The following MYO15A variants were observed in gnomAD, a reference collection of about 807,000 sequenced individuals.
The protein encoded by MYO15A is unconventional myosin-XV.
MYO15A carries 308 observed loss-of-function variants against 394.6 expected under a neutral mutation model. The observed-to-expected ratio is 0.78, with a 90% confidence interval of 0.71 to 0.86. The LOEUF is 0.86. Ranked by LOEUF, MYO15A falls within the 40% of genes least tolerant of loss-of-function variation. The pLI is 0.00. For missense variants in MYO15A, 4,606 were observed against 4,799.1 expected, an observed-to-expected ratio of 0.96 and a Z score of 1.19; for synonymous variants, 1,957 against 2,003.8, an observed-to-expected ratio of 0.98 and a Z score of 0.62.
chr17:18,148,243 G>C lies in MYO15A; in HGVS notation c.6691+33G>C, dbSNP rs1359724157. 6.2e-7 allele frequency: 1 copy of C among 1,612,308 alleles called. No individual in the cohort carries two copies. The highest frequency in any genetic ancestry group is 1.7e-5 in the Admixed American group (1 of 59,984). On this transcript the variant is annotated intron_variant, in intron 31 of 65. Transcript: ENST00000647165. The surrounding 1 kb of genome is among the most constrained non-coding windows in gnomAD (Gnocchi z 4.8). ...GCCTTCCCCCACCTCAGTGAGGGCA[G>C]TGGGAGTCAGCAGGGCCCAGTGAGC...
chr17:18,173,827 C>G lies in MYO15A; in HGVS notation c.10397C>G (p.Thr3466Ser). 2 of 1,613,862 alleles carry G rather than the reference C, an allele frequency of 1.2e-6. No homozygotes were observed. The highest frequency in any genetic ancestry group is 2.2e-5 in the South Asian group (2 of 91,088). Residue 3466 changes from threonine (T) to serine (S), a missense_variant, in exon 65 of 66, where the codon ACC (threonine) becomes AGC (serine). This residue lies in a region of MYO15A where 2,776 missense variants were observed against 3,109.3 expected (regional missense o/e 0.89). Transcript: ENST00000647165. ...FPLKEIQSTR[T>S]QRPTANSSYP... is the part of the protein sequence containing the mutation. Reference sequence around the variant, plus strand: ...CTGAAGGAGATCCAGTCGACGCGGACCCAGCGGCCCACGGCCAACTCCAGC... The same window carrying G: ...CTGAAGGAGATCCAGTCGACGCGGAGCCAGCGGCCCACGGCCAACTCCAGC...
chr17:18,143,677 T>A, intron 26 of MYO15A, 38 bp from the exon 27 acceptor site: 1 of 1,572,914 alleles, frequency 6.4e-7, no homozygotes, highest in Non-Finnish European at 8.6e-7. Flanking sequence ...GGTGGGGATG[T>A]GGCAGGCCTG....
chr17:18,153,872 C>A lies in MYO15A; in HGVS notation c.8064C>A (p.Pro2688=), dbSNP rs1555546494. The A allele has an allele frequency of 6.2e-7, 1 of 1,613,718 alleles. No individual in the cohort carries two copies. The highest frequency in any genetic ancestry group is 1.1e-5 in the South Asian group (1 of 91,084). ...ACTTCTACGGCTATCAGGACGCCCC[C>A]TGGAAGATCTTCCTGCGCAAAGAGG... ...NPNFYGYQDA[P]WKIFLRKEVF... is the part of the protein sequence containing the mutation. Residue 2688 remains proline, a synonymous_variant, in exon 43 of 66, where the codon CCC becomes CCA. Transcript: ENST00000647165. This position sits in a 1 kb window ranked among gnomAD's most constrained non-coding sequence, Gnocchi z 4.1.
intron 44 of MYO15A, 50 bp from the exon 45 acceptor site, chr17:18,154,630 C>T: frequency 6.3e-7 from 1 of 1,592,688 alleles, no homozygotes; most frequent in Non-Finnish European, 8.6e-7. Context: ...AGCCTGGGTC[C>T]CAGCTGGGGG....
intron 57 of MYO15A, 27 bp from the exon 58 acceptor site, chr17:18,162,558 C>G: frequency 6.2e-7 from 1 of 1,608,262 alleles, no homozygotes; most frequent in Non-Finnish European, 8.5e-7. Flanking sequence ...CCACCTTGGG[C>G]GAGGCCTGAA....
rs1250453332 is a variant in MYO15A, at chr17:18,140,598, T to C, written c.5293T>C (p.Tyr1765His). The change falls in exon 20 of 66, where the codon TAC becomes CAC. Residue 1765 changes from tyrosine (Y) to histidine (H), a missense_variant. Tyr to His is a moderately conservative substitution (Grantham distance 83). Transcript: ENST00000647165. ...LGKSSSVTRL[Y>H]KAHTVAAKFQ... ...CAAGAGCAGCTCCGTCACTCGGCTC[T>C]ACAAGGCGCACACTGTGGCCGCCAA... The C allele has an allele frequency of 6.2e-7, 1 of 1,613,766 alleles. No homozygotes were observed. Among genetic ancestry groups the C allele is most frequent in the South Asian group, 1.1e-5 (1 of 91,084 alleles).
chr17:18,148,093 ATGGGCCG>A lies in MYO15A; in HGVS notation c.6575_6581del (p.Met2192ArgfsTer59). The stretch of plus-strand genomic sequence containing the variant: ...GTGTCAGCACCGCCTCATGCAGGCC[ATGGGCCG>A]GGCCCAACAGCAGGGCTCGGGGGCT... On this transcript the variant is annotated frameshift_variant, in exon 31 of 66. Transcript: ENST00000647165. LOFTEE classifies it high-confidence loss of function. The surrounding 1 kb of genome is among the most constrained non-coding windows in gnomAD (Gnocchi z 4.8). 1 of 1,613,910 alleles carries A rather than the reference ATGGGCCG, an allele frequency of 6.2e-7. No individual in the cohort carries two copies. Among genetic ancestry groups the A allele is most frequent in the Non-Finnish European group, 8.5e-7 (1 of 1,180,034 alleles).
In MYO15A at chr17:18,118,734, C is replaced by T. The variant is rs866863951; in HGVS notation, c.-67C>T. 1 of 1,604,166 alleles carries T rather than the reference C, an allele frequency of 6.2e-7. No homozygotes were observed. Among genetic ancestry groups the T allele is most frequent in the Non-Finnish European group, 8.5e-7 (1 of 1,176,890 alleles). On this transcript the variant is annotated 5_prime_UTR_variant, in exon 2 of 66. Transcript: ENST00000647165. ...GCCGCGGGCAAGAGACAGAGCAGGT[C>T]CCTGTGTCTCCAAGTCCCTGAGCCC...
intron 2 of MYO15A, chr17:18,124,096 A>C: frequency 3.2e-6 from 1 of 310,250 alleles, no homozygotes; most frequent in Non-Finnish European, 6.4e-6. Context: ...TAGAGGCCCC[A>C]TGCACCAGGT....
chr17:18,143,919 A>T lies in MYO15A; in HGVS notation c.6096A>T (p.Arg2032=). The change falls in exon 28 of 66, where the codon CGA becomes CGT. Residue 2032 remains arginine (R), a synonymous_variant. Transcript: ENST00000647165. ...AGGTGGCCCCTGTGAGGACTCCTCG[A>T]CTCCAGGCTGAGCCCCGTGTCACAC... is the stretch of plus-strand genomic sequence containing the variant. The part of the protein sequence containing the change: ...VPQVAPVRTP[R]LQAEPRVTLP... 6.2e-7 allele frequency: 1 copy of T among 1,606,334 alleles called. No individual in the cohort carries two copies.
At position 18,127,184 on chromosome 17, in the gene MYO15A, C is replaced by T. The variant is rs2046062598; in HGVS notation, c.4032+19C>T. ...GCAGCAGGTGAGTCTACCTGTCTCC[C>T]CAGGACCCTAGGCTGAACACCCTTT... is the stretch of plus-strand genomic sequence containing the variant. On this transcript the variant is annotated intron_variant, in intron 7 of 65. Coordinates refer to ENST00000647165, the MANE Select transcript of MYO15A (RefSeq NM_016239.4). 6.2e-7 allele frequency: 1 copy of T among 1,613,370 alleles called. No homozygotes were observed. Among genetic ancestry groups the T allele is most frequent in the African/African-American group, 1.3e-5 (1 of 74,886 alleles).
rs1251016280 is a variant in MYO15A, at chr17:18,132,610, C to T, written c.4320+44C>T. 1 of 1,532,934 alleles carries T rather than the reference C, an allele frequency of 6.5e-7. No homozygotes were observed. Among genetic ancestry groups the T allele is most frequent in the African/African-American group, 1.4e-5 (1 of 73,540 alleles). 95.0% of individuals were successfully genotyped at this position (1,532,934 alleles called of 1,614,324 possible). On this transcript the variant is annotated intron_variant, in intron 11 of 65. Transcript: ENST00000647165. This position sits in a 1 kb window ranked among gnomAD's most constrained non-coding sequence, Gnocchi z 4.6. ...CTGAAGGCCCCTGGCCCTGGTCCTC[C>T]CACCCCGACGCCCCTGGCTGGGCCT...
intron 12 of MYO15A, among the ~76,000 whole-genome samples, chr17:18,135,397 A>C (rs1159550097): frequency 6.6e-6 from 1 of 151,446 alleles, no homozygotes; most frequent in Non-Finnish European, 1.5e-5. Context: ...GCTGGAGTGC[A>C]ATGGCACGGT....
In MYO15A at chr17:18,119,029, C is replaced by T. The variant is rs752534089; in HGVS notation, c.229C>T (p.Arg77Cys). The T allele has an allele frequency of 2.5e-6, 4 of 1,612,452 alleles. No individual in the cohort carries two copies. The highest frequency in any genetic ancestry group is 3.4e-6 in the Non-Finnish European group (4 of 1,179,892). ...PQKTKRKRKA[R>C]TVLKSTSKLM... The stretch of plus-strand genomic sequence containing the variant: ...GAAGACCAAGCGCAAGAGGAAGGCC[C>T]GCACCGTGCTCAAGTCCACGTCAAA... The change falls in exon 2 of 66, where the codon CGC becomes TGC. Residue 77 changes from arginine (R) to cysteine (C), a missense_variant. This residue lies in a region of MYO15A where 1,830 missense variants were observed against 1,689.7 expected (regional missense o/e 1.08). Transcript: ENST00000647165.
Position 18,151,479 on chromosome 17 carries a change from T to A in MYO15A, c.7739T>A (p.Val2580Asp). The A allele has an allele frequency of 6.2e-7, 1 of 1,614,180 alleles. No homozygotes were observed. The change falls in exon 40 of 66, where the codon GTC (valine) becomes GAC (aspartate). Residue 2580 changes from valine (V) to aspartate (D), a missense_variant. Val to Asp is a radical substitution (Grantham distance 152). Transcript: ENST00000647165. ...PQPTQQIKNI[V>D]RQYQQPFRGG... ...CCCACACAGCAGATCAAGAATATTG[T>A]CAGGCAGTACCAGCAGCCGTTCCGG... is the stretch of plus-strand genomic sequence containing the variant.
intron 62 of MYO15A, chr17:18,169,656 C>T (rs1398367694): frequency 6.6e-6 from 1 of 151,834 alleles, no homozygotes; most frequent in African/African-American, 2.4e-5. Context: ...AAAAGTGGAC[C>T]TCAAAGAGCT....
rs1456922528 is a variant in MYO15A, at chr17:18,120,411, G to A, written c.1611G>A (p.Pro537=). The A allele has an allele frequency of 2.1e-5, 34 of 1,603,438 alleles. No homozygotes were observed. In the Admixed American group the frequency reaches 5.4e-4, roughly 26 times the overall value. ...YGHPFWGFLT[P]RQRNLQRALS... is the part of the protein sequence containing the mutation. Reference sequence around the variant, plus strand: ...ACCCTTTCTGGGGCTTCCTCACGCCGCGCCAGCGCAACCTCCAGCGCGCGC... The same window carrying A: ...ACCCTTTCTGGGGCTTCCTCACGCCACGCCAGCGCAACCTCCAGCGCGCGC... The change falls in exon 2 of 66, where the codon CCG becomes CCA. Residue 537 remains proline, a synonymous_variant. Coordinates refer to ENST00000647165, the MANE Select transcript of MYO15A (RefSeq NM_016239.4).
rs1254336011 is a variant in MYO15A, at chr17:18,135,719, A to G, written c.4491A>G (p.Ala1497=). Residue 1497 remains alanine, a synonymous_variant, in exon 13 of 66, where the codon GCA becomes GCG. Transcript: ENST00000647165. Reference sequence around the variant, plus strand: ...GTTGGTATTTTGCATAGACGGATGCACAGGAGGTGGCCTCAGTGGTGAGTG... The same window carrying G: ...GTTGGTATTTTGCATAGACGGATGCGCAGGAGGTGGCCTCAGTGGTGAGTG... ...NVYFEKYETD[A]QEVASVVSAR... 3 of 1,614,126 alleles carry G rather than the reference A, an allele frequency of 1.9e-6. No individual in the cohort carries two copies. Among genetic ancestry groups the G allele is most frequent in the Admixed American group, 3.3e-5 (2 of 60,020 alleles).
chr17:18,154,840 C>A, intron 45 of MYO15A, 85 bp downstream of exon 45: 1 of 1,437,408 alleles, frequency 7.0e-7, no homozygotes, highest in Non-Finnish European at 9.7e-7. Context: ...CTGAGGCTGA[C>A]AAGCCCAGGC....
Sources: gnomAD v4.1 joint callset for allele counts (sites outside exome capture counted in the v4.1 genomes callset) on GRCh38, gnomAD v4.1.1 for gene constraint, gnomAD v4.1.1 regional missense constraint, Gnocchi (gnomAD v3.1) non-coding constraint, MANE v1.5 for transcripts, NCBI Gene and HGNC (gene_info 2026-07-23, HGNC 2026-07-21) for gene names.